The following LARS2 variants were observed in gnomAD, a reference collection of about 807,000 sequenced individuals.
LARS2 encodes leucyl-tRNA synthetase 2, mitochondrial, also known as leucine--tRNA ligase, mitochondrial.
LARS2 carries 81 observed loss-of-function variants against 116.6 expected under a neutral mutation model. The ratio of observed to expected loss-of-function variants is 0.69; its 90% CI spans 0.58 to 0.84. LARS2 has a LOEUF of 0.84. Among genes scored for constraint, LARS2 ranks in the 40% least tolerant of loss-of-function variants. LARS2 has a pLI of 0.00. For missense variants in LARS2, 968 were observed against 1,114.5 expected (o/e 0.87, Z 1.87); for synonymous variants, 396 against 407.2 (o/e 0.97, Z 0.33).
intron 15 of LARS2, among the ~76,000 whole-genome samples, chr3:45,512,054 C>A (rs934519097): frequency 6.6e-6 from 1 of 152,160 alleles, no homozygotes; most frequent in Non-Finnish European, 1.5e-5. Flanking sequence ...GGATTACAAG[C>A]GTGAGCCACC....
At chr3:45,432,904 T>C (rs1400986720) in intron 6 of LARS2, among the ~76,000 whole-genome samples, 1 of 152,086 alleles carries the variant, frequency 6.6e-6, no homozygotes, top group Non-Finnish European at 1.5e-5. Context: ...TTTACCCTTA[T>C]ATAATTGTGT....
intron 21 of LARS2, among the ~76,000 whole-genome samples, chr3:45,543,385 G>A (rs574517762): frequency 1.3e-5 from 2 of 152,012 alleles, no homozygotes; most frequent in South Asian, 4.2e-4. Flanking sequence ...GGCTCAAGCA[G>A]TCCTCTTGCC....
chr3:45,401,567 C>T (rs1029044262), intron 4 of LARS2, among the ~76,000 whole-genome samples: 4 of 152,020 alleles, frequency 2.6e-5, no homozygotes, highest in Non-Finnish European at 5.9e-5. Context: ...GAGAGGAGGA[C>T]AAACGCCCTT....
chr3:45,461,610 C>G (rs1699327627), intron 8 of LARS2, among the ~76,000 whole-genome samples: 1 of 152,120 alleles, frequency 6.6e-6, no homozygotes, highest in Non-Finnish European at 1.5e-5. Context: ...TATAAGATCA[C>G]TGTGGAAGGA....
chr3:45,500,299 G>A, intron 14 of LARS2, 143 bp from the exon 15 acceptor site: 2 of 863,658 alleles, frequency 2.3e-6, no homozygotes, highest in Non-Finnish European at 3.4e-6. Flanking sequence ...ACCGCGCCCG[G>A]CCTTCTCTTA....
chr3:45,515,293 A>G (rs966982854), intron 16 of LARS2, among the ~76,000 whole-genome samples: 10 of 151,986 alleles, frequency 6.6e-5, no homozygotes, highest in African/African-American at 2.4e-4. Context: ...CCCAATTTCA[A>G]TTTACCAAGT....
intron 11 of LARS2, among the ~76,000 whole-genome samples, chr3:45,488,473 C>G (rs1471595512): frequency 2.0e-5 from 3 of 152,124 alleles, no homozygotes; most frequent in African/African-American, 7.2e-5. Flanking sequence ...AGGAAAAAGA[C>G]TTAAAGGAAG....
At chr3:45,424,636 A>G (rs781314033) in intron 6 of LARS2, among the ~76,000 whole-genome samples, 17 of 152,228 alleles carry the variant, frequency 1.1e-4, no homozygotes, top group Non-Finnish European at 1.9e-4. Flanking sequence ...CTCTGTACAT[A>G]TAGTAATCCT....
At chr3:45,475,746 G>C (rs774680898) in intron 9 of LARS2, among the ~76,000 whole-genome samples, 1 of 152,236 alleles carries the variant, frequency 6.6e-6, no homozygotes, top group Non-Finnish European at 1.5e-5. Flanking sequence ...CTATGCCTCT[G>C]TGTCCCCAAT....
intron 7 of LARS2, among the ~76,000 whole-genome samples, chr3:45,453,452 A>C (rs1255395517): frequency 1.3e-5 from 2 of 152,238 alleles, no homozygotes; most frequent in Non-Finnish European, 2.9e-5. Context: ...AGCTGTCTAC[A>C]TGAATTTAGT....
chr3:45,532,516 A>C (rs1183577959), intron 20 of LARS2, among the ~76,000 whole-genome samples: 1 of 152,244 alleles, frequency 6.6e-6, no homozygotes, highest in African/African-American at 2.4e-5. Flanking sequence ...TTGCAAAAAA[A>C]TCTATTTGCT....
chr3:45,503,054 C>CA (rs1397724984), intron 15 of LARS2, among the ~76,000 whole-genome samples: 55 of 146,064 alleles, frequency 3.8e-4, no homozygotes, highest in Non-Finnish European at 6.0e-4. Flanking sequence ...TTTCTTGAAC[C>CA]CTTTTTTTTT....
intron 7 of LARS2, among the ~76,000 whole-genome samples, chr3:45,456,587 A>G (rs1699216588): frequency 6.6e-6 from 1 of 152,230 alleles, no homozygotes; most frequent in Non-Finnish European, 1.5e-5. Context: ...TGTCTCAAAA[A>G]AAAGAAGAAA....
intron 6 of LARS2, among the ~76,000 whole-genome samples, chr3:45,431,903 A>G (rs190591577): frequency 2.0e-5 from 3 of 152,320 alleles, no homozygotes; most frequent in African/African-American, 7.2e-5. Flanking sequence ...TGATCCATCT[A>G]TATGCTGTCT....
chr3:45,418,968 T>G (rs854200), intron 5 of LARS2, among the ~76,000 whole-genome samples: 1 of 152,106 alleles, frequency 6.6e-6, no homozygotes, highest in African/African-American at 2.4e-5. Context: ...GTGCTTAGCA[T>G]AGGGTCTTGC....
chr3:45,491,674 T>C lies in LARS2; in HGVS notation c.1397T>C (p.Val466Ala). 1 of 1,614,202 alleles carries C rather than the reference T, an allele frequency of 6.2e-7. No individual in the cohort carries two copies. The highest frequency in any genetic ancestry group is 8.5e-7 in the Non-Finnish European group (1 of 1,180,024). Residue 466 changes from valine to alanine, a missense_variant, in exon 13 of 22, where the codon GTC becomes GCC. Val to Ala is a moderately conservative substitution (Grantham distance 64, BLOSUM62 0). Transcript: ENST00000645846. ...CCAATCCCCATTGTCCACTGCCCAG[T>C]CTGTGGCCCCACACCTGTGCCCCTG... Reference protein sequence around the residue: ...GTPIPIVHCPVCGPTPVPLED... With the variant: ...GTPIPIVHCPACGPTPVPLED...
At chr3:45,458,556 G>A (rs1699253516) in intron 7 of LARS2, among the ~76,000 whole-genome samples, 187 bp from the exon 8 acceptor site, 1 of 152,112 alleles carries the variant, frequency 6.6e-6, no homozygotes, top group African/African-American at 2.4e-5. Context: ...CAGGTGTGGT[G>A]GTGGGCACCT....
chr3:45,543,313 A>G (rs1360339637), intron 21 of LARS2, among the ~76,000 whole-genome samples: 3 of 151,958 alleles, frequency 2.0e-5, no homozygotes, highest in African/African-American at 7.3e-5. Context: ...TTTTATGATT[A>G]TTATTATTAT....
intron 8 of LARS2, among the ~76,000 whole-genome samples, chr3:45,466,996 TCAGCGTGTGTTGCAGGAAGG>T (rs1699436019): frequency 6.6e-6 from 1 of 152,162 alleles, no homozygotes; most frequent in African/African-American, 2.4e-5. Flanking sequence ...CAATAGCCAG[TCAGCGTGTGTTGCAGGAAGG>T]CAGCACATTA....
Sources: allele counts gnomAD v4.1 joint callset (sites outside exome capture counted in the v4.1 genomes callset), GRCh38; gene constraint gnomAD v4.1.1; transcripts MANE v1.5; gene names NCBI Gene and HGNC (gene_info 2026-07-23, HGNC 2026-07-21).